FLRT3: variants seen among roughly 807,000 people sequenced by gnomAD.
The protein encoded by FLRT3 is fibronectin leucine rich transmembrane protein 3.
In FLRT3, 17 loss-of-function variants were observed where a neutral mutation model predicts 42.6. That is an observed-to-expected ratio of 0.40 (90% CI 0.27 to 0.60). The LOEUF (loss-of-function observed/expected upper bound fraction) is 0.60, where lower values mean the gene tolerates loss of function less well. Among genes scored for constraint, FLRT3 ranks in the 20% least tolerant of loss-of-function variants. The pLI, the probability that FLRT3 is intolerant of heterozygous loss-of-function variation, is 0.44. For synonymous variants in FLRT3, 279 were observed against 286.4 expected, an observed-to-expected ratio of 0.97 and a Z score of 0.26; for missense variants, 635 against 789.2, an observed-to-expected ratio of 0.80 and a Z score of 2.34.
rs533393424 is a variant in FLRT3, at chr20:14,337,118, A to G, written c.-247+286T>C. Among the ~76,000 whole-genome samples, 4 of 152,278 alleles carry G rather than the reference A, an allele frequency of 2.6e-5. No individual in the cohort carries two copies. The South Asian group carries it at 6.2e-4, about 24-fold the overall frequency. On this transcript the variant is annotated intron_variant, in intron 1 of 2. Transcript: ENST00000341420. ...TTAATATTTAACATTGAACTTTCCA[A>G]CTTGCTGTTTTCCATAAGGCTCTTT...
chr20:14,331,809 A>T (rs148828471), intron 1 of FLRT3, among the ~76,000 whole-genome samples: 2 of 152,086 alleles, frequency 1.3e-5, no homozygotes, highest in African/African-American at 2.4e-5. Flanking sequence ...CTGGATCTAC[A>T]TATTTGCGCA....
At chr20:14,331,924 G>C (rs1315465995) in intron 1 of FLRT3, among the ~76,000 whole-genome samples, 2 of 152,080 alleles carry the variant, frequency 1.3e-5, no homozygotes, top group African/African-American at 4.8e-5. Context: ...GAGCCTTTCT[G>C]TCCGCCTAGG....
chr20:14,332,151 A>C (rs2082854256), intron 1 of FLRT3, among the ~76,000 whole-genome samples: 1 of 152,156 alleles, frequency 6.6e-6, no homozygotes, highest in African/African-American at 2.4e-5. Context: ...TCAAATTTTT[A>C]ATAGGGATCC....
chr20:14,333,125 G>A (rs887339271), intron 1 of FLRT3, among the ~76,000 whole-genome samples: 1 of 152,048 alleles, frequency 6.6e-6, no homozygotes, highest in African/African-American at 2.4e-5. Flanking sequence ...CATGAAGTCT[G>A]AAGGGTTTGC....
In FLRT3 at chr20:14,325,982, G is replaced by C; in HGVS notation, c.1525C>G (p.Pro509Ala). The C allele has an allele frequency of 1.2e-6, 2 of 1,613,900 alleles. No individual in the cohort carries two copies. The highest frequency in any genetic ancestry group is 3.3e-5 in the Admixed American group (2 of 59,982). Residue 509 changes from proline (P) to alanine (A), a missense_variant, in exon 3 of 3, where the codon CCT becomes GCT. Transcript: ENST00000341420. ...TGCTCTCGATTGAGGGTGGTTGTAG[G>C]GTTGTACATTCGAAGGGGTGCAGTT... ...TETAPLRMYNPTTTLNREQEK... is the reference protein window; with the variant it reads ...TETAPLRMYNATTTLNREQEK...
chr20:14,324,419 C>T lies in FLRT3; in HGVS notation c.*1138G>A, dbSNP rs1237884564. 1 of 152,414 alleles carries T rather than the reference C, an allele frequency of 6.6e-6. No individual in the cohort carries two copies. Among genetic ancestry groups the T allele is most frequent in the African/African-American group, 2.4e-5 (1 of 41,392 alleles). The allele number at this position is 152,414 out of a possible 1,614,324, so 9.4% of individuals were successfully genotyped here. On this transcript the variant is annotated 3_prime_UTR_variant, in exon 3 of 3. Coordinates refer to ENST00000341420, the MANE Select transcript of FLRT3 (RefSeq NM_198391.3). Reference sequence around the variant, plus strand: ...TTATATAATATCTGGAAAATTGTGACAGTAATGGGCAGTATTCTTGATCTT... The same window carrying T: ...TTATATAATATCTGGAAAATTGTGATAGTAATGGGCAGTATTCTTGATCTT...
At chr20:14,333,515 T>C (rs2082881114) in intron 1 of FLRT3, among the ~76,000 whole-genome samples, 1 of 152,132 alleles carries the variant, frequency 6.6e-6, no homozygotes. Context: ...AGGTAAGTGG[T>C]GCAGAGTTTG....
intron 1 of FLRT3, among the ~76,000 whole-genome samples, chr20:14,337,127 T>C (rs1321820858): frequency 1.3e-5 from 2 of 152,218 alleles, no homozygotes; most frequent in Non-Finnish European, 2.9e-5. Context: ...AACTTGCTGT[T>C]TTCCATAAGG....
At chr20:14,332,870 G>A (rs559245552) in intron 1 of FLRT3, among the ~76,000 whole-genome samples, 23 of 152,156 alleles carry the variant, frequency 1.5e-4, no homozygotes, top group African/African-American at 4.6e-4. Context: ...TTAAATTGCT[G>A]CCAAAAAAGC....
At position 14,325,294 on chromosome 20, in the gene FLRT3, A is replaced by G; in HGVS notation, c.*263T>C. The G allele has an allele frequency of 3.3e-6, 1 of 303,018 alleles. No individual in the cohort carries two copies. The highest frequency in any genetic ancestry group is 6.0e-6 in the Non-Finnish European group (1 of 166,398). The allele number at this position is 303,018 out of a possible 1,614,324, so 18.8% of individuals were successfully genotyped here. A position where few individuals can be genotyped will look rare whatever the true frequency, so the allele number is the denominator to read the frequency against. On this transcript the variant is annotated 3_prime_UTR_variant, in exon 3 of 3. Transcript: ENST00000341420. ...AATGGTTTATAACTCCAATATTTGC[A>G]AGGAAAATACAGTACAAATTACTAA... is the stretch of plus-strand genomic sequence containing the variant.
chr20:14,326,616 TATATTGTCC>T lies in FLRT3; in HGVS notation c.882_890del (p.Asp295_Ile297del). On this transcript the variant is annotated inframe_deletion, in exon 3 of 3. Transcript: ENST00000341420. The surrounding 1 kb of genome is among the most constrained non-coding windows in gnomAD (Gnocchi z 5.5). ...GATTGTTGCGAAGAATCAGTTGTGT[TATATTGTCC>T]AAATCATCAAAGATACCCTGAGGTA... 1 of 1,613,900 alleles carries T rather than the reference TATATTGTCC, an allele frequency of 6.2e-7. No homozygotes were observed. Among genetic ancestry groups the T allele is most frequent in the Non-Finnish European group, 8.5e-7 (1 of 1,179,836 alleles).
In FLRT3 at chr20:14,325,525, C is replaced by A; in HGVS notation, c.*32G>T. 1 of 1,566,966 alleles carries A rather than the reference C, an allele frequency of 6.4e-7. No individual in the cohort carries two copies. The highest frequency in any genetic ancestry group is 1.2e-5 in the South Asian group (1 of 81,510). ...TCACCTCCCTTAGGTTTAAAAAACC[C>A]AAAACACAAGTCTGCTGTGAGTCCT... On this transcript the variant is annotated 3_prime_UTR_variant, in exon 3 of 3. Transcript: ENST00000341420.
rs1164453814 is a variant in FLRT3, at chr20:14,325,750, A to G, written c.1757T>C (p.Ile586Thr). 2.5e-6 allele frequency: 4 copies of G among 1,613,888 alleles called. No homozygotes were observed. The highest frequency in any genetic ancestry group is 1.7e-5 in the Admixed American group (1 of 60,006). ...AEAGTKKDNS[I>T]LEIRETSFQM... ...AAAAGAAGTTTCCCTGATTTCCAGG[A>G]TAGAGTTGTCCTTCTTAGTGCCAGC... Residue 586 changes from isoleucine to threonine, a missense_variant, in exon 3 of 3, where the codon ATC becomes ACC. Transcript: ENST00000341420.
Position 14,337,491 on chromosome 20 carries a change from G to A in FLRT3, c.-334C>T, listed in dbSNP as rs535971812. 14 of 398,202 alleles carry A rather than the reference G, an allele frequency of 3.5e-5. No individual in the cohort carries two copies. The highest frequency in any genetic ancestry group is 4.9e-5 in the Non-Finnish European group (11 of 225,986). The allele number at this position is 398,202 out of a possible 1,614,324, so 24.7% of individuals were successfully genotyped here. The stretch of plus-strand genomic sequence containing the variant: ...TGAATTGGAGTAATAGCCCTCCCCC[G>A]TCTCCCAAGCTCTGCGTCCAGTCCA... On this transcript the variant is annotated 5_prime_UTR_variant, in exon 1 of 3. The change creates a new upstream start codon in the 5' untranslated region. Coordinates refer to ENST00000341420, the MANE Select transcript of FLRT3 (RefSeq NM_198391.3).
At chr20:14,331,677 T>C (rs2082844032) in intron 1 of FLRT3, among the ~76,000 whole-genome samples, 1 of 152,162 alleles carries the variant, frequency 6.6e-6, no homozygotes, top group Admixed American at 6.6e-5. Context: ...TTCCCATTTA[T>C]GTTTGAAACT....
In FLRT3 at chr20:14,324,710, CA is replaced by C. The variant is rs944102193; in HGVS notation, c.*846del. ...TTTTCAAAAATCAGGATGGTATAGG[CA>C]AAACCAAAATGCAGTTTTGGTATTT... On this transcript the variant is annotated 3_prime_UTR_variant, in exon 3 of 3. Coordinates refer to ENST00000341420, the MANE Select transcript of FLRT3 (RefSeq NM_198391.3). 6.6e-6 allele frequency: 1 copy of C among 152,022 alleles called. No homozygotes were observed. The highest frequency in any genetic ancestry group is 1.5e-5 in the Non-Finnish European group (1 of 67,994). The allele number at this position is 152,022 out of a possible 1,614,324, so 9.4% of individuals were successfully genotyped here.
chr20:14,335,904 C>G (rs1478041436), intron 1 of FLRT3, among the ~76,000 whole-genome samples: 2 of 152,092 alleles, frequency 1.3e-5, no homozygotes, highest in Non-Finnish European at 2.9e-5. Context: ...AGGGGCATAT[C>G]TCTGATTTAA....
rs1972283557 is a variant in FLRT3 at position 14,323,821 on chromosome 20, T to C, written c.*1736A>G. The C allele has an allele frequency of 6.6e-6, 1 of 152,180 alleles. No individual in the cohort carries two copies. The highest frequency in any genetic ancestry group is 1.5e-5 in the Non-Finnish European group (1 of 68,034). 9.4% of individuals were successfully genotyped at this position (152,180 alleles called of 1,614,324 possible). A position where few individuals can be genotyped will look rare whatever the true frequency, so the allele number is the denominator to read the frequency against. On this transcript the variant is annotated 3_prime_UTR_variant, in exon 3 of 3. Transcript: ENST00000341420. ...AAAAGGCTATTTTAAAAAAACAGTT[T>C]TTCAAAGACCACCTTAAAAAGTATC... is the stretch of plus-strand genomic sequence containing the variant.
intron 1 of FLRT3, among the ~76,000 whole-genome samples, chr20:14,331,106 GA>G (rs946929220): frequency 6.6e-6 from 1 of 152,056 alleles, no homozygotes; most frequent in Non-Finnish European, 1.5e-5. Flanking sequence ...ATATATACTT[GA>G]GATGATGAAT....
Sources: allele counts gnomAD v4.1 joint callset (sites outside exome capture counted in the v4.1 genomes callset), GRCh38; gene constraint gnomAD v4.1.1; non-coding constraint Gnocchi (gnomAD v3.1); transcripts MANE v1.5; gene names NCBI Gene and HGNC (gene_info 2026-07-23, HGNC 2026-07-21).